Variants in REV3L observed in about 807,000 individuals in gnomAD.
REV3L encodes the protein REV3 like, DNA directed polymerase zeta catalytic subunit.
A neutral mutation model predicts 299.4 loss-of-function variants in REV3L; 69 were observed. The ratio of observed to expected loss-of-function variants is 0.23; its 90% CI spans 0.19 to 0.28. The LOEUF is 0.28. Ranked by LOEUF, REV3L falls within the 10% of genes least tolerant of loss-of-function variation. The pLI is 1.00. For synonymous variants in REV3L, 1,238 were observed against 1,271.4 expected (o/e 0.97, Z 0.56); for missense variants, 3,128 against 3,693.8 (o/e 0.85, Z 3.97).
Position 111,375,519 on chromosome 6 carries a change from G to C in REV3L, c.2836C>G (p.Pro946Ala), listed in dbSNP as rs745744540. 6.2e-7 allele frequency: 1 copy of C among 1,613,108 alleles called. No individual in the cohort carries two copies. Among genetic ancestry groups the C allele is most frequent in the South Asian group, 1.1e-5 (1 of 90,858 alleles). Residue 946 changes from proline (P) to alanine (A), a missense_variant, in exon 13 of 32, where the codon CCT (proline) becomes GCT (alanine). Pro to Ala is a conservative substitution (Grantham distance 27). Transcript: ENST00000368802. The stretch of plus-strand genomic sequence containing the variant: ...CTTTCACCAATTTCCATGGGATGAG[G>C]TAGACTAATTTTTGAGTTGTGAGTT... ...FVTHNSKISL[P>A]HPMEIGESLD...
intron 4 of REV3L, among the ~76,000 whole-genome samples, chr6:111,403,243 G>A (rs1256812322): frequency 6.6e-6 from 1 of 152,220 alleles, no homozygotes; most frequent in Non-Finnish European, 1.5e-5. Context: ...AACATGGGAA[G>A]CTTGGGGGTG....
At position 111,299,906 on chromosome 6, in the gene REV3L, A is replaced by G. The variant is rs1027204786; in HGVS notation, c.*110T>C. Reference sequence around the variant, plus strand: ...ATAGAAGTCTTCATAGTCTTCAGATAACAGACAGTGAACATCCTTGACTCG... The same window carrying G: ...ATAGAAGTCTTCATAGTCTTCAGATGACAGACAGTGAACATCCTTGACTCG... On this transcript the variant is annotated 3_prime_UTR_variant, in exon 32 of 32. Transcript: ENST00000368802. 3 of 1,055,750 alleles carry G rather than the reference A, an allele frequency of 2.8e-6. No homozygotes were observed. Among genetic ancestry groups the G allele is most frequent in the Non-Finnish European group, 4.1e-6 (3 of 738,810 alleles). The allele number at this position is 1,055,750 out of a possible 1,614,324, so 65.4% of individuals were successfully genotyped here.
intron 31 of REV3L, among the ~76,000 whole-genome samples, chr6:111,306,666 C>T (rs189273168): frequency 5.8e-4 from 89 of 152,232 alleles, no homozygotes; most frequent in Middle Eastern, 3.4e-3. Context: ...TGTAAAGGTG[C>T]CTAGAACAGT....
At chr6:111,436,018 AAAG>A (rs1195918783) in intron 1 of REV3L, among the ~76,000 whole-genome samples, 13 of 152,264 alleles carry the variant, frequency 8.5e-5, no homozygotes, top group African/African-American at 2.9e-4. Flanking sequence ...ATATTTCTCA[AAAG>A]AAGACATAAA....
At chr6:111,350,680 A>C (rs1777490794) in intron 19 of REV3L, among the ~76,000 whole-genome samples, 1 of 151,966 alleles carries the variant, frequency 6.6e-6, no homozygotes, top group African/African-American at 2.4e-5. Flanking sequence ...GGGTTCAAGC[A>C]ATCATCTCAC....
At chr6:111,331,537 T>C (rs2114830061) in intron 24 of REV3L, 139 bp downstream of exon 24, 1 of 522,070 alleles carries the variant, frequency 1.9e-6, no homozygotes. Flanking sequence ...GATTCTCATA[T>C]CTTTGACTTT....
chr6:111,308,449 T>C (rs1440788596), intron 30 of REV3L, among the ~76,000 whole-genome samples: 1 of 152,196 alleles, frequency 6.6e-6, no homozygotes, highest in African/African-American at 2.4e-5. Flanking sequence ...GAATATCTCA[T>C]GGAATTTATT....
chr6:111,318,340 G>A (rs1379328263), intron 26 of REV3L, among the ~76,000 whole-genome samples: 2 of 152,052 alleles, frequency 1.3e-5, no homozygotes, highest in African/African-American at 4.8e-5. Flanking sequence ...AGTAGAGACG[G>A]GGTTTCACCG....
chr6:111,379,827 C>T (rs896833662), intron 11 of REV3L, among the ~76,000 whole-genome samples, 155 bp downstream of exon 11: 6 of 151,912 alleles, frequency 3.9e-5, no homozygotes, highest in Non-Finnish European at 7.4e-5. Context: ...ATGGAGTATA[C>T]GCCATATGAA....
chr6:111,302,725 G>A (rs1412137467), intron 31 of REV3L, among the ~76,000 whole-genome samples: 3 of 152,108 alleles, frequency 2.0e-5, no homozygotes, highest in South Asian at 4.1e-4. Flanking sequence ...CCAACATGGT[G>A]AAACTGTCTC....
intron 27 of REV3L, among the ~76,000 whole-genome samples, chr6:111,314,135 C>T (rs1182542432): frequency 6.6e-6 from 1 of 152,144 alleles, no homozygotes; most frequent in African/African-American, 2.4e-5. Context: ...CTTCGTATTC[C>T]ACACAGTTCC....
chr6:111,452,289 A>G (rs2128317673), intron 1 of REV3L, among the ~76,000 whole-genome samples: 1 of 152,276 alleles, frequency 6.6e-6, no homozygotes, highest in East Asian at 1.9e-4. Context: ...CACACTGGGA[A>G]AAAAATCTGG....
At chr6:111,422,635 T>TATATATATATATAC (rs1277876687) in intron 1 of REV3L, among the ~76,000 whole-genome samples, 1 of 19,632 alleles carries the variant, frequency 5.1e-5, no homozygotes, top group African/African-American at 1.2e-4. Context: ...TATATACACA[T>TATATATATATATAC]ATATATATAT....
chr6:111,411,379 A>T (rs1461680803), intron 3 of REV3L, 101 bp downstream of exon 3: 7 of 749,482 alleles, frequency 9.3e-6, no homozygotes, highest in Non-Finnish European at 1.5e-5. Context: ...CTCTGTCTTT[A>T]ATAAGACTAC....
intron 17 of REV3L, among the ~76,000 whole-genome samples, chr6:111,358,489 T>C (rs1373546614): frequency 6.6e-6 from 1 of 152,148 alleles, no homozygotes; most frequent in African/African-American, 2.4e-5. Context: ...TCTTGCTATG[T>C]TACCCAGGCT....
chr6:111,383,196 G>A (rs74843516), intron 9 of REV3L, among the ~76,000 whole-genome samples: 5,450 of 152,204 alleles, frequency 0.036, 323 homozygotes, highest in African/African-American at 0.12. Flanking sequence ...TTGAAAGCCC[G>A]TTCTCTAAGA....
chr6:111,447,468 A>G (rs1000893895), intron 1 of REV3L, among the ~76,000 whole-genome samples: 3 of 152,164 alleles, frequency 2.0e-5, no homozygotes, highest in African/African-American at 7.2e-5. Context: ...ACCTCTATTA[A>G]TTTTCGTCAA....
intron 28 of REV3L, chr6:111,312,250 GAAATAGTGCTGAAAA>G (rs1184060975): frequency 6.6e-6 from 1 of 151,952 alleles, no homozygotes; most frequent in Non-Finnish European, 1.5e-5. Flanking sequence ...ATCTCTTCCA[GAAATAGTGCTGAAAA>G]AAATCCCAAA....
intron 31 of REV3L, among the ~76,000 whole-genome samples, chr6:111,306,570 C>G (rs1291207890): frequency 2.6e-4 from 40 of 152,110 alleles, no homozygotes; most frequent in Non-Finnish European, 5.9e-5. Context: ...AAAAATCATC[C>G]TTGCATTTTA....
Sources: gnomAD v4.1 joint callset for allele counts (sites outside exome capture counted in the v4.1 genomes callset) on GRCh38, gnomAD v4.1.1 for gene constraint, MANE v1.5 for transcripts, NCBI Gene and HGNC (gene_info 2026-07-23, HGNC 2026-07-21) for gene names.